GAD2: variants seen among roughly 807,000 people sequenced by gnomAD.
GAD2 encodes 65 kDa glutamic acid decarboxylase.
In GAD2, 22 loss-of-function variants were observed where a neutral mutation model predicts 80.1. The observed-to-expected ratio is 0.27, with a 90% CI of 0.20 to 0.39. The LOEUF (loss-of-function observed/expected upper bound fraction) is 0.39. Among genes scored for constraint, GAD2 ranks in the 10% least tolerant of loss-of-function variants. GAD2 has a pLI of 1.00. For synonymous variants in GAD2, 274 were observed against 256.9 expected (o/e 1.07, Z -0.64); for missense variants, 624 against 738.4 (o/e 0.85, Z 1.80).
In GAD2 at chr10:26,292,591, A is replaced by G. The variant is rs770939736; in HGVS notation, c.1494+19A>G. ...TGGGAAGGTATGTATTTGGATTTCT[A>G]CAATCTCAGAAAGTTTAGTCAATTC... On this transcript the variant is annotated intron_variant, in intron 14 of 15. Coordinates refer to ENST00000376261, the MANE Select transcript of GAD2 (RefSeq NM_001134366.2). 8 of 1,570,222 alleles carry G rather than the reference A, an allele frequency of 5.1e-6. No homozygotes were observed. In the South Asian group the frequency reaches 6.7e-5, roughly 13 times the overall value.
At chr10:26,245,248 A>T (rs946153692) in intron 7 of GAD2, among the ~76,000 whole-genome samples, 1 of 151,932 alleles carries the variant, frequency 6.6e-6, no homozygotes, top group Non-Finnish European at 1.5e-5. Flanking sequence ...GGAGAGCATT[A>T]GGAAAAATAG....
chr10:26,286,221 TCTTA>T (rs1400668624), intron 12 of GAD2, 120 bp from the exon 13 acceptor site: 6 of 870,496 alleles, frequency 6.9e-6, no homozygotes, highest in Admixed American at 6.0e-5. Flanking sequence ...TAAAATTGAT[TCTTA>T]CTGTTTTCTT....
chr10:26,222,925 T>C (rs1417285767), intron 4 of GAD2, among the ~76,000 whole-genome samples: 3 of 152,256 alleles, frequency 2.0e-5, no homozygotes, highest in Non-Finnish European at 4.4e-5. Flanking sequence ...ATTTCCACAA[T>C]GGCCCATCTT....
chr10:26,254,387 A>C (rs769986801), intron 8 of GAD2, among the ~76,000 whole-genome samples: 28 of 152,322 alleles, frequency 1.8e-4, no homozygotes, highest in Admixed American at 9.2e-4. Flanking sequence ...ATGAGAATCT[A>C]ATGCCACTGC....
chr10:26,216,875 T>C lies in GAD2; in HGVS notation c.66T>C (p.Asn22=). 6.2e-7 allele frequency: 1 copy of C among 1,611,132 alleles called. No homozygotes were observed. The highest frequency in any genetic ancestry group is 8.5e-7 in the Non-Finnish European group (1 of 1,178,838). Residue 22 remains asparagine (N), a synonymous_variant, in exon 1 of 16, where the codon AAT becomes AAC. Coordinates refer to ENST00000376261, the MANE Select transcript of GAD2 (RefSeq NM_001134366.2). The surrounding 1 kb of genome is among the most constrained non-coding windows in gnomAD (Gnocchi z 4.7). ...AAGATGGCTCTGGGGATTCCGAGAA[T>C]CCCGGCACAGGTAGGAAGGAGAACG... The part of the protein sequence containing the change: ...GSEDGSGDSE[N]PGTARAWCQV...
At chr10:26,225,948 A>AAACATTGT (rs1844516373) in intron 6 of GAD2, among the ~76,000 whole-genome samples, 1 of 152,178 alleles carries the variant, frequency 6.6e-6, no homozygotes, top group African/African-American at 2.4e-5. Flanking sequence ...GATGCTTTGA[A>AAACATTGT]AACATTGTTC....
At chr10:26,289,497 T>A (rs1012558196) in intron 13 of GAD2, among the ~76,000 whole-genome samples, 4 of 152,108 alleles carry the variant, frequency 2.6e-5, no homozygotes, top group African/African-American at 9.7e-5. Flanking sequence ...AGCCATCATA[T>A]TAAGTCCAAA....
chr10:26,270,844 T>A, intron 10 of GAD2, 88 bp downstream of exon 10: 1 of 903,730 alleles, frequency 1.1e-6, no homozygotes, highest in South Asian at 1.4e-5. Flanking sequence ...TCTCTTTTTT[T>A]AACTTGGTCA....
At chr10:26,288,759 A>G (rs1301220325) in intron 13 of GAD2, among the ~76,000 whole-genome samples, 1 of 152,108 alleles carries the variant, frequency 6.6e-6, no homozygotes, top group Non-Finnish European at 1.5e-5. Flanking sequence ...ATCATCAGTG[A>G]TATTTATAGG....
rs565243035 is a variant in GAD2, at chr10:26,290,937, C to A, written c.1387-1528C>A. 4.6e-5 allele frequency among the ~76,000 whole-genome samples: 7 copies of A among 152,316 alleles called. No homozygotes were observed. In the South Asian group the frequency reaches 1.5e-3, roughly 32 times the overall value. ...CCCCATGTATATCTTTAGCCCCCAA[C>A]TAAAGGGGCAGTCACATGGCCCATG... On this transcript the variant is annotated intron_variant, in intron 13 of 15. Coordinates refer to ENST00000376261, the MANE Select transcript of GAD2 (RefSeq NM_001134366.2).
At chr10:26,233,490 G>A (rs1481527503) in intron 7 of GAD2, among the ~76,000 whole-genome samples, 1 of 152,140 alleles carries the variant, frequency 6.6e-6, no homozygotes, top group Non-Finnish European at 1.5e-5. Context: ...TCCTGGACAG[G>A]TGAGCTCTTA....
Position 26,301,573 on chromosome 10 carries a change from T to C in GAD2, c.*612T>C, listed in dbSNP as rs1834330078. 6.6e-6 allele frequency: 1 copy of C among 152,218 alleles called. No individual in the cohort carries two copies. The highest frequency in any genetic ancestry group is 2.1e-4 in the South Asian group (1 of 4,832). The allele number at this position is 152,218 out of a possible 1,614,324, so 9.4% of individuals were successfully genotyped here. ...ATATAAAATCTAAGCCAGATTTTTTTTTCCTTTCTCTTAATGGAGGCACAA... is the reference window on the plus strand; with the variant it reads ...ATATAAAATCTAAGCCAGATTTTTTCTTCCTTTCTCTTAATGGAGGCACAA... On this transcript the variant is annotated 3_prime_UTR_variant, in exon 16 of 16. Transcript: ENST00000376261.
chr10:26,282,044 G>A (rs112975591), intron 12 of GAD2, among the ~76,000 whole-genome samples: 2,347 of 152,192 alleles, frequency 0.015, 42 homozygotes, highest in African/African-American at 0.053. Flanking sequence ...CTGAGTTCAA[G>A]CGATTCTCAT....
upstream of GAD2, chr10:26,216,508 C>G: frequency 4.0e-6 from 1 of 247,422 alleles, no homozygotes; most frequent in Non-Finnish European, 7.6e-6. The surrounding 1 kb of genome is among the most constrained non-coding windows in gnomAD (Gnocchi z 4.7). Flanking sequence ...CTCTGGGGCT[C>G]TCCGCGCTTT....
chr10:26,271,608 A>T (rs117852002), intron 10 of GAD2, among the ~76,000 whole-genome samples: 1 of 152,204 alleles, frequency 6.6e-6, no homozygotes, highest in Non-Finnish European at 1.5e-5. Context: ...AGACTTTCTC[A>T]GTGAAGGAAC....
intron 13 of GAD2, among the ~76,000 whole-genome samples, chr10:26,289,314 A>G (rs1305018796): frequency 6.6e-6 from 1 of 152,118 alleles, no homozygotes; most frequent in African/African-American, 2.4e-5. Flanking sequence ...TAAGGAGGAG[A>G]AGGAGGAAGA....
At chr10:26,245,505 T>C (rs1180928075) in intron 7 of GAD2, among the ~76,000 whole-genome samples, 1 of 152,040 alleles carries the variant, frequency 6.6e-6, no homozygotes, top group African/African-American at 2.4e-5. Context: ...TGGCGCAATC[T>C]TGGCTCACTG....
At chr10:26,223,858 T>C (rs753258524) in intron 4 of GAD2, 29 bp from the exon 5 acceptor site, 5 of 1,448,568 alleles carry the variant, frequency 3.5e-6, no homozygotes, top group Non-Finnish European at 3.8e-6. Flanking sequence ...CTGGAGGCAA[T>C]CCTGATTCTG....
rs573191216 is a variant in GAD2 at position 26,242,705 on chromosome 10, G to A, written c.841-3216G>A. On this transcript the variant is annotated intron_variant, in intron 7 of 15. Transcript: ENST00000376261. ...CCCTGTCTTTAAGCTTTCTATCTGG[G>A]CATGTGTTTTTCTTTAAATCTGCAG... 8.5e-4 allele frequency among the ~76,000 whole-genome samples: 130 copies of A among 152,074 alleles called. No individual in the cohort carries two copies. In the Middle Eastern group the frequency reaches 0.01, roughly 12 times the overall value.
Sources: gnomAD v4.1 joint callset for allele counts (sites outside exome capture counted in the v4.1 genomes callset) on GRCh38, gnomAD v4.1.1 for gene constraint, Gnocchi (gnomAD v3.1) non-coding constraint, MANE v1.5 for transcripts, NCBI Gene and HGNC (gene_info 2026-07-23, HGNC 2026-07-21) for gene names.